PAPPA: variants seen among roughly 807,000 people sequenced by gnomAD.
PAPPA encodes pappalysin-1.
PAPPA carries 60 observed loss-of-function variants against 164.0 expected under a neutral mutation model. The ratio of observed to expected loss-of-function variants is 0.37; its 90% CI spans 0.30 to 0.45. The LOEUF (loss-of-function observed/expected upper bound fraction) is 0.45, where lower values mean the gene tolerates loss of function less well. Among genes scored for constraint, PAPPA ranks in the 20% least tolerant of loss-of-function variants. PAPPA has a pLI of 1.00. For missense variants in PAPPA, 1,782 were observed against 2,087.3 expected (o/e 0.85, Z 2.85); for synonymous variants, 875 against 814.1 (o/e 1.07, Z -1.27).
chr9:116,297,703 C>G (rs969778513), intron 9 of PAPPA, among the ~76,000 whole-genome samples: 43 of 152,296 alleles, frequency 2.8e-4, no homozygotes, highest in East Asian at 3.9e-4. Context: ...CATGCATCCT[C>G]TTTAATCATG....
At position 116,347,344 on chromosome 9, in the gene PAPPA, T is replaced by A; in HGVS notation, c.3964+135T>A. 1.5e-6 allele frequency: 1 copy of A among 665,546 alleles called. No homozygotes were observed. The highest frequency in any genetic ancestry group is 2.5e-6 in the Non-Finnish European group (1 of 402,100). 41.2% of individuals were successfully genotyped at this position (665,546 alleles called of 1,614,324 possible). On this transcript the variant is annotated intron_variant, in intron 15 of 21. Coordinates refer to ENST00000328252, the MANE Select transcript of PAPPA (RefSeq NM_002581.5). The surrounding 1 kb of genome is among the most constrained non-coding windows in gnomAD (Gnocchi z 4.5). ...ATCTATGCTCCTGACTTCTTCCTAC[T>A]AATTGTATTTATGTAAACTGCCCTG...
intron 9 of PAPPA, among the ~76,000 whole-genome samples, chr9:116,282,992 C>G (rs916989630): frequency 6.6e-6 from 1 of 152,088 alleles, no homozygotes; most frequent in African/African-American, 2.4e-5. Context: ...TATTAAAGGA[C>G]TGAGTTTTTT....
chr9:116,371,749 T>G (rs768538584), intron 19 of PAPPA, among the ~76,000 whole-genome samples: 8 of 152,194 alleles, frequency 5.3e-5, no homozygotes, highest in Non-Finnish European at 8.8e-5. Flanking sequence ...TAAGGCATTA[T>G]AAATTGTTTT....
chr9:116,313,429 C>T (rs1024960096), intron 10 of PAPPA, among the ~76,000 whole-genome samples: 3 of 152,204 alleles, frequency 2.0e-5, no homozygotes, highest in African/African-American at 7.2e-5. Flanking sequence ...GAGATCTGGT[C>T]TACTGGCAAG....
At position 116,346,928 on chromosome 9, in the gene PAPPA, T is replaced by C. The variant is rs1435812939; in HGVS notation, c.3781-98T>C. The C allele has an allele frequency of 7.5e-6, 7 of 934,704 alleles. No homozygotes were observed. The East Asian group carries it at 1.1e-4, about 15-fold the overall frequency. 57.9% of individuals were successfully genotyped at this position (934,704 alleles called of 1,614,324 possible). On this transcript the variant is annotated intron_variant, in intron 14 of 21. Coordinates refer to ENST00000328252, the MANE Select transcript of PAPPA (RefSeq NM_002581.5). ...CACTAAGCATTGGTCTCCTAGTGCC[T>C]GGGCGAGACTCTGAGCCGTCACCTT... is the stretch of plus-strand genomic sequence containing the variant.
At chr9:116,341,644 C>A (rs926483115) in intron 13 of PAPPA, among the ~76,000 whole-genome samples, 6 of 152,192 alleles carry the variant, frequency 3.9e-5, no homozygotes, top group Non-Finnish European at 8.8e-5. Context: ...GGCACACACC[C>A]TCCCTCCTGA....
Position 116,274,950 on chromosome 9 carries a change from T to C in PAPPA, c.2953+3534T>C, listed in dbSNP as rs575820431. On this transcript the variant is annotated intron_variant, in intron 9 of 21. Transcript: ENST00000328252. ...GCTGAGGATGGTGGGAGTAGCCACA[T>C]CCATACCAGCCTCCTAAGTACCAGG... Among the ~76,000 whole-genome samples, 8 of 152,214 alleles carry C rather than the reference T, an allele frequency of 5.3e-5. No homozygotes were observed. The South Asian group carries it at 1.7e-3, about 32-fold the overall frequency.
chr9:116,350,861 CT>C (rs1846272503), intron 15 of PAPPA, among the ~76,000 whole-genome samples: 1 of 152,200 alleles, frequency 6.6e-6, no homozygotes, highest in African/African-American at 2.4e-5. Flanking sequence ...ACACTTTACT[CT>C]TTTTACTTGA....
chr9:116,334,696 C>G (rs1217874007), intron 12 of PAPPA, among the ~76,000 whole-genome samples, 165 bp from the exon 13 acceptor site: 1 of 152,096 alleles, frequency 6.6e-6, no homozygotes, highest in Non-Finnish European at 1.5e-5. Flanking sequence ...AAAAGGCAGA[C>G]AAAGAAACTT....
At chr9:116,185,811 G>A (rs1554733868) in intron 1 of PAPPA, among the ~76,000 whole-genome samples, 1 of 152,166 alleles carries the variant, frequency 6.6e-6, no homozygotes, top group Non-Finnish European at 1.5e-5. Flanking sequence ...CTATAGAGAT[G>A]CTTGGCTTGG....
intron 1 of PAPPA, among the ~76,000 whole-genome samples, chr9:116,179,209 C>G (rs1057507397): frequency 1.3e-5 from 2 of 152,110 alleles, no homozygotes; most frequent in African/African-American, 4.8e-5. Context: ...TGTCACACAG[C>G]TAGTAAAAAA....
chr9:116,212,637 C>G (rs888684656), intron 4 of PAPPA, among the ~76,000 whole-genome samples: 2 of 152,118 alleles, frequency 1.3e-5, no homozygotes, highest in Admixed American at 6.6e-5. Context: ...CAAATTCTAT[C>G]AAGCCAAAGA....
intron 10 of PAPPA, chr9:116,318,368 A>G (rs1014524667): frequency 3.9e-5 from 6 of 152,072 alleles, no homozygotes; most frequent in Admixed American, 3.9e-4. Flanking sequence ...CATTTTCTTC[A>G]TGTGGACCAT....
At chr9:116,316,867 A>G (rs1845793406) in intron 10 of PAPPA, among the ~76,000 whole-genome samples, 2 of 152,174 alleles carry the variant, frequency 1.3e-5, no homozygotes, top group African/African-American at 4.8e-5. Context: ...TCAAAAGCAA[A>G]AGGAAGAGAG....
At chr9:116,167,698 G>A (rs1044040394) in intron 1 of PAPPA, among the ~76,000 whole-genome samples, 3 of 152,144 alleles carry the variant, frequency 2.0e-5, no homozygotes, top group Admixed American at 6.5e-5. Context: ...TAACAAGGCT[G>A]ATTTTTGGGT....
chr9:116,387,821 C>T (rs1362227605), intron 21 of PAPPA, among the ~76,000 whole-genome samples: 1 of 152,220 alleles, frequency 6.6e-6, no homozygotes, highest in Non-Finnish European at 1.5e-5. Flanking sequence ...CCCCTTGGAA[C>T]ATCCTTTTGC....
intron 17 of PAPPA, among the ~76,000 whole-genome samples, chr9:116,357,658 A>C (rs1219906967): frequency 6.6e-6 from 1 of 152,206 alleles, no homozygotes; most frequent in African/African-American, 2.4e-5. Context: ...CCAGGGGGTG[A>C]GAAGCTACTC....
At chr9:116,289,572 AC>A (rs1845410374) in intron 9 of PAPPA, among the ~76,000 whole-genome samples, 1 of 151,892 alleles carries the variant, frequency 6.6e-6, no homozygotes, top group Non-Finnish European at 1.5e-5. Flanking sequence ...TTGACCTCTA[AC>A]ATTTATGCAG....
intron 1 of PAPPA, among the ~76,000 whole-genome samples, chr9:116,167,158 C>T (rs1445409208): frequency 1.3e-5 from 2 of 152,130 alleles, no homozygotes; most frequent in Non-Finnish European, 2.9e-5. Flanking sequence ...ACAGTTGTCC[C>T]TCAGTGTCCA....
Sources: gnomAD v4.1 joint callset for allele counts (sites outside exome capture counted in the v4.1 genomes callset) on GRCh38, gnomAD v4.1.1 for gene constraint, Gnocchi (gnomAD v3.1) non-coding constraint, MANE v1.5 for transcripts, NCBI Gene and HGNC (gene_info 2026-07-23, HGNC 2026-07-21) for gene names.